PRR12: variants seen among roughly 807,000 people sequenced by gnomAD.
The protein encoded by PRR12 is proline rich 12, also known as proline-rich protein 12.
Under a neutral mutation model 138.0 loss-of-function variants are expected in PRR12, and 12 were observed. That is an observed-to-expected ratio of 0.09 (90% CI 0.06 to 0.14). The LOEUF (loss-of-function observed/expected upper bound fraction) is 0.14, where lower values mean the gene tolerates loss of function less well. Among genes scored for constraint, PRR12 ranks in the 10% least tolerant of loss-of-function variants. PRR12 has a pLI of 1.00. For synonymous variants in PRR12, 1,567 were observed against 1,291.7 expected, an observed-to-expected ratio of 1.21 and a Z score of -4.57; for missense variants, 2,692 against 2,861.3, an observed-to-expected ratio of 0.94 and a Z score of 1.35.
At chr19:49,610,800 C>T (rs917802881) in intron 6 of PRR12, among the ~76,000 whole-genome samples, 6 of 151,808 alleles carry the variant, frequency 4.0e-5, no homozygotes, top group Admixed American at 2.0e-4. Context: ...GCCTTGGCCT[C>T]CCAAAGTGCT....
chr19:49,625,070 G>A lies in PRR12; in HGVS notation c.5869-35G>A. ...GAGGAGAGGGGCTGCCAAGTGCCGG[G>A]CTGGAGGGGCTGAGGCATCTCCACT... On this transcript the variant is annotated intron_variant, in intron 12 of 13. Transcript: ENST00000418929. The surrounding 1 kb of genome is among the most constrained non-coding windows in gnomAD (Gnocchi z 5.5). 1 of 1,612,126 alleles carries A rather than the reference G, an allele frequency of 6.2e-7. No individual in the cohort carries two copies. Among genetic ancestry groups the A allele is most frequent in the Non-Finnish European group, 8.5e-7 (1 of 1,178,382 alleles).
At chr19:49,609,233 A>G (rs2122338719) in intron 6 of PRR12, among the ~76,000 whole-genome samples, 1 of 152,262 alleles carries the variant, frequency 6.6e-6, no homozygotes, top group South Asian at 2.1e-4. Context: ...GGAGTTTGAG[A>G]GGTCAAGGCT....
chr19:49,625,014 G>A lies in PRR12; in HGVS notation c.5868+24G>A. 6.2e-7 allele frequency: 1 copy of A among 1,608,734 alleles called. No homozygotes were observed. The highest frequency in any genetic ancestry group is 8.5e-7 in the Non-Finnish European group (1 of 1,176,606). ...AGGTGGGCACTGGGGCTGGGGCTGG[G>A]AGTGGGGAGTGCTGGCGGTATGTGG... On this transcript the variant is annotated intron_variant, in intron 12 of 13. Transcript: ENST00000418929. The surrounding 1 kb of genome is among the most constrained non-coding windows in gnomAD (Gnocchi z 5.5).
Position 49,596,975 on chromosome 19 carries a change from G to A in PRR12, c.2640G>A (p.Met880Ile). Residue 880 changes from methionine to isoleucine, a missense_variant, in exon 4 of 14, where the codon ATG becomes ATA. Physicochemically the swap from Met to Ile is conservative, Grantham distance 10. This residue lies in a region of PRR12 where 840 missense variants were observed against 689.8 expected (regional missense o/e 1.22). Coordinates refer to ENST00000418929, the MANE Select transcript of PRR12 (RefSeq NM_020719.3). This position sits in a 1 kb window ranked among gnomAD's most constrained non-coding sequence, Gnocchi z 5.6. ...AGAGCCTGGATCCGCCAGGCGCCAT[G>A]CAGGAATTGCTCGGGGCTCTGGAGC... is the stretch of plus-strand genomic sequence containing the variant. ...PEESLDPPGA[M>I]QELLGALEPL... 6.4e-7 allele frequency: 1 copy of A among 1,556,596 alleles called. No individual in the cohort carries two copies. Among genetic ancestry groups the A allele is most frequent in the Non-Finnish European group, 8.7e-7 (1 of 1,154,958 alleles).
At position 49,597,938 on chromosome 19, in the gene PRR12, G is replaced by T. The variant is rs1215575165; in HGVS notation, c.3603G>T (p.Arg1201=). The T allele has an allele frequency of 1.4e-6, 2 of 1,403,658 alleles. No individual in the cohort carries two copies. The highest frequency in any genetic ancestry group is 3.4e-5 in the Admixed American group (1 of 29,374). 87.0% of individuals were successfully genotyped at this position (1,403,658 alleles called of 1,614,324 possible). ...CCACCGATGGCGCCAAGAAACCCCG[G>T]GGCCGGGGCCGAGGCCGGGGTCGAA... ...STPTDGAKKP[R]GRGRGRGRKA... The change falls in exon 4 of 14, where the codon CGG becomes CGT. Residue 1201 remains arginine (R), a synonymous_variant. Coordinates refer to ENST00000418929, the MANE Select transcript of PRR12 (RefSeq NM_020719.3). The surrounding 1 kb of genome is among the most constrained non-coding windows in gnomAD (Gnocchi z 6.3).
intron 6 of PRR12, among the ~76,000 whole-genome samples, chr19:49,602,368 C>T (rs549806426): frequency 1.3e-5 from 2 of 152,270 alleles, no homozygotes; most frequent in Admixed American, 6.5e-5. Context: ...TTGACATAGA[C>T]TACCTGCAGA....
At chr19:49,612,938 G>T (rs1318000919) in intron 6 of PRR12, among the ~76,000 whole-genome samples, 2 of 151,898 alleles carry the variant, frequency 1.3e-5, no homozygotes, top group African/African-American at 4.8e-5. Flanking sequence ...TGGGATTAAA[G>T]GTGTGAGCCA....
intron 6 of PRR12, among the ~76,000 whole-genome samples, chr19:49,609,618 A>T (rs913447512): frequency 2.2e-5 from 3 of 138,494 alleles, no homozygotes; most frequent in Non-Finnish European, 3.1e-5. Context: ...AAAAAAAAAA[A>T]TTTGTTGGAT....
Position 49,595,322 on chromosome 19 carries a change from G to C in PRR12, c.987G>C (p.Leu329=), listed in dbSNP as rs2080758700. Residue 329 remains leucine (L), a synonymous_variant, in exon 4 of 14, where the codon CTG becomes CTC. Coordinates refer to ENST00000418929, the MANE Select transcript of PRR12 (RefSeq NM_020719.3). ...CCTCCATGGGCCACCGGGCCAACCTGGCCTGCAGCCCCCTGGGTGGTGGGG... is the reference window on the plus strand; with the variant it reads ...CCTCCATGGGCCACCGGGCCAACCTCGCCTGCAGCCCCCTGGGTGGTGGGG... ...SYPSMGHRAN[L]ACSPLGGGEP... is the part of the protein sequence containing the mutation. 1 of 1,545,022 alleles carries C rather than the reference G, an allele frequency of 6.5e-7. No homozygotes were observed. Among genetic ancestry groups the C allele is most frequent in the Non-Finnish European group, 8.7e-7 (1 of 1,145,818 alleles).
Position 49,616,501 on chromosome 19 carries a change from G to A in PRR12, c.5497+282G>A, listed in dbSNP as rs1337418285. 1.3e-5 allele frequency among the ~76,000 whole-genome samples: 2 copies of A among 152,182 alleles called. No homozygotes were observed. The highest frequency in any genetic ancestry group is 2.9e-5 in the Non-Finnish European group (2 of 68,036). On this transcript the variant is annotated intron_variant, in intron 9 of 13. Coordinates refer to ENST00000418929, the MANE Select transcript of PRR12 (RefSeq NM_020719.3). This position sits in a 1 kb window ranked among gnomAD's most constrained non-coding sequence, Gnocchi z 4.2. The stretch of plus-strand genomic sequence containing the variant: ...TGAGGCTCCAAGAGAGGGCAGCACA[G>A]TCTGTGTTGGGTGCCCAGCAGAGTT...
At chr19:49,592,434 C>T (rs2080734817) in intron 1 of PRR12, among the ~76,000 whole-genome samples, 1 of 152,148 alleles carries the variant, frequency 6.6e-6, no homozygotes, top group South Asian at 2.1e-4. Context: ...GGATGTTTCC[C>T]GGGTGTGTGT....
At position 49,599,869 on chromosome 19, in the gene PRR12, C is replaced by T. The variant is rs749038911; in HGVS notation, c.4276C>T (p.Pro1426Ser). 1.9e-6 allele frequency: 3 copies of T among 1,612,714 alleles called. No individual in the cohort carries two copies. Among genetic ancestry groups the T allele is most frequent in the South Asian group, 2.2e-5 (2 of 91,066 alleles). The change falls in exon 5 of 14, where the codon CCC becomes TCC. Residue 1426 changes from proline to serine, a missense_variant. Physicochemically the swap from Pro to Ser is moderately conservative, Grantham distance 74 (BLOSUM62 -1). Coordinates refer to ENST00000418929, the MANE Select transcript of PRR12 (RefSeq NM_020719.3). This position sits in a 1 kb window ranked among gnomAD's most constrained non-coding sequence, Gnocchi z 5.0. ...TSTPDGPPLA[P>S]AAAVPGPPPL... is the part of the protein sequence containing the mutation. The stretch of plus-strand genomic sequence containing the variant: ...CACCCCAGATGGGCCGCCCTTGGCC[C>T]CCGCGGCTGCAGTTCCAGGGCCACC...
rs560482730 is a variant in PRR12 at position 49,599,896 on chromosome 19, C to T, written c.4303C>T (p.Pro1435Ser). ...APAAAVPGPP[P>S]LPGLPSANSN... Reference sequence around the variant, plus strand: ...CGCGGCTGCAGTTCCAGGGCCACCCCCTCTTCCGGGGCTCCCCAGTGCCAA... The same window carrying T: ...CGCGGCTGCAGTTCCAGGGCCACCCTCTCTTCCGGGGCTCCCCAGTGCCAA... The change falls in exon 5 of 14, where the codon CCT (proline) becomes TCT (serine). Residue 1435 changes from proline to serine, a missense_variant. Physicochemically the swap from Pro to Ser is moderately conservative, Grantham distance 74 (BLOSUM62 -1). Coordinates refer to ENST00000418929, the MANE Select transcript of PRR12 (RefSeq NM_020719.3). This position sits in a 1 kb window ranked among gnomAD's most constrained non-coding sequence, Gnocchi z 5.0. The T allele has an allele frequency of 6.2e-6, 10 of 1,610,980 alleles. No individual in the cohort carries two copies. In the Admixed American group the frequency reaches 1.3e-4, roughly 21 times the overall value.
At chr19:49,601,036 C>G (rs918111814) in intron 5 of PRR12, among the ~76,000 whole-genome samples, 2 of 152,070 alleles carry the variant, frequency 1.3e-5, no homozygotes, top group Admixed American at 6.6e-5. Context: ...CTGTGAGGTT[C>G]TTAAAAAGCC....
rs777673825 is a variant in PRR12 at position 49,594,760 on chromosome 19, T to TTCC, written c.426_428dup (p.Pro143dup). On this transcript the variant is annotated inframe_insertion, in exon 4 of 14. Transcript: ENST00000418929. This position sits in a 1 kb window ranked among gnomAD's most constrained non-coding sequence, Gnocchi z 5.6. ...GGTGCCCTGCCGGGTTCCAGCACCT[T>TTCC]TCCGTCCTCATCTGCCCTGTCGGCT... The TTCC allele has an allele frequency of 1.2e-6, 2 of 1,613,426 alleles. No individual in the cohort carries two copies. Among genetic ancestry groups the TTCC allele is most frequent in the South Asian group, 2.2e-5 (2 of 91,060 alleles).
Position 49,625,400 on chromosome 19 carries a change from C to A in PRR12, c.5965-61C>A. The A allele has an allele frequency of 2.0e-6, 3 of 1,507,326 alleles. No homozygotes were observed. Among genetic ancestry groups the A allele is most frequent in the Non-Finnish European group, 1.8e-6 (2 of 1,126,604 alleles). The allele number at this position is 1,507,326 out of a possible 1,614,324, so 93.4% of individuals were successfully genotyped here. ...TGACACCCCAGGCCCCATGCCCCAG[C>A]CCCTTCCCTCCCCAGAGGCCGGTGT... On this transcript the variant is annotated intron_variant, in intron 13 of 13. Transcript: ENST00000418929. The surrounding 1 kb of genome is among the most constrained non-coding windows in gnomAD (Gnocchi z 5.5).
In PRR12 at chr19:49,599,503, A is replaced by G; in HGVS notation, c.3910A>G (p.Thr1304Ala). 1 of 1,598,660 alleles carries G rather than the reference A, an allele frequency of 6.3e-7. No homozygotes were observed. The highest frequency in any genetic ancestry group is 8.5e-7 in the Non-Finnish European group (1 of 1,173,310). The change falls in exon 5 of 14, where the codon ACG (threonine) becomes GCG (alanine). Residue 1304 changes from threonine (T) to alanine (A), a missense_variant. This residue lies in a region of PRR12 where 326 missense variants were observed against 344.2 expected (regional missense o/e 0.95). Transcript: ENST00000418929. The surrounding 1 kb of genome is among the most constrained non-coding windows in gnomAD (Gnocchi z 5.0). ...RHPPLYQAGL[T>A]PPLSPPKSVP... ...CCCACCACTCTACCAGGCGGGCCTG[A>G]CGCCTCCGCTCAGCCCTCCCAAGAG...
intron 6 of PRR12, among the ~76,000 whole-genome samples, chr19:49,612,560 C>T (rs1467108968): frequency 6.6e-6 from 1 of 152,072 alleles, no homozygotes; most frequent in Admixed American, 6.6e-5. Flanking sequence ...ATCCCAGCTA[C>T]AGTGTCAACA....
At chr19:49,600,823 C>T (rs896191959) in intron 5 of PRR12, among the ~76,000 whole-genome samples, 4 of 152,158 alleles carry the variant, frequency 2.6e-5, no homozygotes, top group African/African-American at 9.6e-5. Flanking sequence ...CTTCCAGGTT[C>T]AAGTGATTCT....
Sources: allele counts gnomAD v4.1 joint callset (sites outside exome capture counted in the v4.1 genomes callset), GRCh38; gene constraint gnomAD v4.1.1; regional missense constraint gnomAD v4.1.1; non-coding constraint Gnocchi (gnomAD v3.1); transcripts MANE v1.5; gene names NCBI Gene and HGNC (gene_info 2026-07-23, HGNC 2026-07-21).